FAM227B: variants seen among roughly 807,000 people sequenced by gnomAD.
The protein encoded by FAM227B is protein FAM227B.
Under a neutral mutation model 73.8 loss-of-function variants are expected in FAM227B, and 88 were observed. The ratio of observed to expected loss-of-function variants is 1.19; its 90% CI spans 1.00 to 1.42. The LOEUF is 1.42. Among genes scored for constraint, FAM227B ranks in the 40% most tolerant of loss-of-function variants. The pLI is 0.00. For synonymous variants in FAM227B, 210 were observed against 190.5 expected, an observed-to-expected ratio of 1.10 and a Z score of -0.84; for missense variants, 632 against 590.9, an observed-to-expected ratio of 1.07 and a Z score of -0.72.
chr15:49,517,998 T>C (rs1023059119), intron 10 of FAM227B, among the ~76,000 whole-genome samples: 1 of 152,202 alleles, frequency 6.6e-6, no homozygotes, highest in Non-Finnish European at 1.5e-5. Context: ...TAATATTTCA[T>C]TGTATGAATA....
chr15:49,603,634 G>C (rs1021093243), intron 3 of FAM227B, among the ~76,000 whole-genome samples: 2 of 151,820 alleles, frequency 1.3e-5, no homozygotes, highest in Non-Finnish European at 2.9e-5. Flanking sequence ...TCTTTCTTTT[G>C]TCTGATTGCT....
At chr15:49,403,286 G>A (rs2048299362) in intron 11 of FAM227B, among the ~76,000 whole-genome samples, 1 of 152,300 alleles carries the variant, frequency 6.6e-6, no homozygotes, top group South Asian at 2.1e-4. Flanking sequence ...CTCACAGAAT[G>A]AGCTAGGGAG....
intron 11 of FAM227B, among the ~76,000 whole-genome samples, chr15:49,434,839 A>G (rs2050943818): frequency 6.6e-6 from 1 of 151,330 alleles, no homozygotes; most frequent in South Asian, 2.1e-4. Flanking sequence ...AATAATTAAT[A>G]AAAAACTAAT....
intron 11 of FAM227B, among the ~76,000 whole-genome samples, chr15:49,446,589 T>TTTCATAGAGCTTTC (rs1160609178): frequency 6.6e-6 from 1 of 150,852 alleles, no homozygotes; most frequent in Non-Finnish European, 1.5e-5. Flanking sequence ...TCATAGAGGG[T>TTTCATAGAGCTTTC]AAAGAGCTTT....
At chr15:49,350,648 G>C (rs77750464) in intron 13 of FAM227B, among the ~76,000 whole-genome samples, 9,911 of 152,172 alleles carry the variant, frequency 0.065, 687 homozygotes, top group African/African-American at 0.17. Context: ...ACCCCTATGA[G>C]GGTACTGTGA....
At chr15:49,360,108 A>T (rs1596515386) in intron 13 of FAM227B, among the ~76,000 whole-genome samples, 1 of 88,834 alleles carries the variant, frequency 1.1e-5, no homozygotes. Context: ...GGGAGGGGGG[A>T]GGGATAGCAT....
intron 11 of FAM227B, among the ~76,000 whole-genome samples, chr15:49,378,436 A>G (rs2046311242): frequency 6.6e-6 from 1 of 152,040 alleles, no homozygotes; most frequent in Admixed American, 6.6e-5. Flanking sequence ...ATCTGTGAAC[A>G]TTGAATATTT....
At chr15:49,484,588 C>A (rs896056849) in intron 11 of FAM227B, 1 of 654,518 alleles carries the variant, frequency 1.5e-6, no homozygotes, top group Non-Finnish European at 2.4e-6. Flanking sequence ...ATTTTCTTTC[C>A]TTTTATTTTT....
At chr15:49,582,999 G>C (rs1208680546) in intron 5 of FAM227B, among the ~76,000 whole-genome samples, 1 of 152,072 alleles carries the variant, frequency 6.6e-6, no homozygotes, top group African/African-American at 2.4e-5. Context: ...GAAATTTATA[G>C]CACTAAATGC....
chr15:49,605,939 G>A (rs954623593), intron 3 of FAM227B, among the ~76,000 whole-genome samples: 14 of 152,170 alleles, frequency 9.2e-5, no homozygotes, highest in Non-Finnish European at 1.8e-4. Context: ...GGGCTGTGGA[G>A]GGTGGGCTTG....
intron 11 of FAM227B, chr15:49,484,646 G>A: frequency 8.3e-6 from 4 of 480,458 alleles, no homozygotes; most frequent in Non-Finnish European, 1.4e-5. Flanking sequence ...GATCAAGCTG[G>A]ACTTGTGCAT....
At chr15:49,511,697 G>A (rs1428509394) in intron 10 of FAM227B, among the ~76,000 whole-genome samples, 1 of 152,122 alleles carries the variant, frequency 6.6e-6, no homozygotes, top group Non-Finnish European at 1.5e-5. Flanking sequence ...TTATAAGTGA[G>A]AACATGCAGT....
At chr15:49,519,247 G>A (rs943245801) in intron 10 of FAM227B, among the ~76,000 whole-genome samples, 3 of 152,224 alleles carry the variant, frequency 2.0e-5, no homozygotes, top group Admixed American at 6.5e-5. Context: ...TCATGGGTTG[G>A]CATTGAGTGT....
rs2044261989 is a variant in FAM227B at position 49,361,659 on chromosome 15, G to C, written c.1271+5789C>G. On this transcript the variant is annotated intron_variant, in intron 13 of 15. Coordinates refer to ENST00000299338, the MANE Select transcript of FAM227B (RefSeq NM_152647.3). ...ACCTAGTCCTGTTGATGGGCATCTA[G>C]GTTGAATTCCTTATCTTTACTATTG... Among the ~76,000 whole-genome samples the C allele has an allele frequency of 2.0e-5, 3 of 152,132 alleles. No homozygotes were observed. In the South Asian group the frequency reaches 6.2e-4, roughly 31 times the overall value.
At chr15:49,424,569 T>C (rs2049964361) in intron 11 of FAM227B, 5 of 1,582,682 alleles carry the variant, frequency 3.2e-6, no homozygotes, top group Non-Finnish European at 4.3e-6. Context: ...ACCCAAGAGA[T>C]GAAGAATAAT....
chr15:49,343,778 C>G (rs72727268), intron 13 of FAM227B: 18 of 152,312 alleles, frequency 1.2e-4, no homozygotes, highest in Non-Finnish European at 2.2e-4. Context: ...TGAAAGACAG[C>G]ATTGTCTTCA....
intron 4 of FAM227B, 118 bp downstream of exon 4, chr15:49,589,658 A>T (rs2076407089): frequency 1.5e-6 from 1 of 673,832 alleles, no homozygotes; most frequent in African/African-American, 1.8e-5. Flanking sequence ...TATGCCTGTA[A>T]TTCCAACACT....
chr15:49,566,865 A>T (rs896168837), intron 9 of FAM227B, among the ~76,000 whole-genome samples: 1 of 152,164 alleles, frequency 6.6e-6, no homozygotes, highest in Non-Finnish European at 1.5e-5. Context: ...TCCAGAAAAA[A>T]TCAAATCATG....
chr15:49,550,158 G>A (rs377343829), intron 9 of FAM227B, among the ~76,000 whole-genome samples: 9,196 of 133,284 alleles, frequency 0.069, 689 homozygotes, highest in East Asian at 0.27. Context: ...CGGGCAGGGG[G>A]CTGATCCCCC....
Sources: gnomAD v4.1 joint callset for allele counts (sites outside exome capture counted in the v4.1 genomes callset) on GRCh38, gnomAD v4.1.1 for gene constraint, MANE v1.5 for transcripts, NCBI Gene and HGNC (gene_info 2026-07-23, HGNC 2026-07-21) for gene names.